The following TRIO variants were observed in gnomAD, a reference collection of about 807,000 sequenced individuals.
TRIO encodes triple functional domain protein.
TRIO carries 58 observed loss-of-function variants against 351.9 expected under a neutral mutation model. The ratio of observed to expected loss-of-function variants is 0.16; its 90% confidence interval spans 0.13 to 0.21. The LOEUF (loss-of-function observed/expected upper bound fraction) is 0.21. Among genes scored for constraint, TRIO ranks in the 10% least tolerant of loss-of-function variants. The probability of loss-of-function intolerance (pLI) is 1.00; values close to 1 mark genes in which losing one functional copy is unlikely to be tolerated. For synonymous variants in TRIO, 1,758 were observed against 1,595.7 expected, an observed-to-expected ratio of 1.10 and a Z score of -2.42; for missense variants, 3,201 against 4,027.8, an observed-to-expected ratio of 0.79 and a Z score of 5.56.
At chr5:14,319,945 G>A (rs938421157) in intron 9 of TRIO, among the ~76,000 whole-genome samples, 3 of 152,236 alleles carry the variant, frequency 2.0e-5, no homozygotes, top group South Asian at 2.1e-4. Context: ...CAGGCGTGGC[G>A]GGAAAGGTGG....
rs1177993409 is a variant in TRIO, at chr5:14,304,546, A to G, written c.1454A>G (p.His485Arg). The change falls in exon 8 of 57, where the codon CAT (histidine) becomes CGT (arginine). Residue 485 changes from histidine to arginine, a missense_variant. By Grantham distance (29) the His-to-Arg change is conservative. This residue lies in a region of TRIO where 349 missense variants were observed against 449.3 expected (regional missense o/e 0.78). Coordinates refer to ENST00000344204, the MANE Select transcript of TRIO (RefSeq NM_007118.4). ...CTGCAGGACCTAGAAGATGCCATTC[A>G]TCACCACCAGGGAATATATGAACAT... ...SELQDLEDAI[H>R]HHQGIYEHIT... 1 of 1,614,052 alleles carries G rather than the reference A, an allele frequency of 6.2e-7. No individual in the cohort carries two copies. The highest frequency in any genetic ancestry group is 8.5e-7 in the Non-Finnish European group (1 of 1,180,018).
At chr5:14,210,288 G>A (rs1330327329) in intron 1 of TRIO, among the ~76,000 whole-genome samples, 1 of 152,228 alleles carries the variant, frequency 6.6e-6, no homozygotes, top group Non-Finnish European at 1.5e-5. Flanking sequence ...TAGAAACAGA[G>A]TCTAGGGAAG....
intron 1 of TRIO, among the ~76,000 whole-genome samples, chr5:14,207,549 C>CACAT (rs1791618734): frequency 6.7e-6 from 1 of 150,350 alleles, no homozygotes; most frequent in Admixed American, 6.6e-5. Flanking sequence ...CACACACACA[C>CACAT]ACACACACGG....
chr5:14,155,462 C>CT, intron 1 of TRIO, among the ~76,000 whole-genome samples: 2 of 152,266 alleles, frequency 1.3e-5, no homozygotes, highest in East Asian at 3.9e-4. Flanking sequence ...CAGGATTGTC[C>CT]TTTTTGGCAG....
chr5:14,150,476 A>G (rs1787764438), intron 1 of TRIO, among the ~76,000 whole-genome samples: 1 of 152,180 alleles, frequency 6.6e-6, no homozygotes, highest in Non-Finnish European at 1.5e-5. Flanking sequence ...ATGTGACATT[A>G]AAAAAAGGCC....
intron 23 of TRIO, 107 bp downstream of exon 23, chr5:14,387,954 C>G: frequency 8.5e-7 from 1 of 1,172,104 alleles, no homozygotes; most frequent in Non-Finnish European, 1.2e-6. Flanking sequence ...GGCACCCAGG[C>G]TTTTTGTTGC....
chr5:14,267,335 G>A (rs562090010), intron 1 of TRIO, among the ~76,000 whole-genome samples: 22 of 152,198 alleles, frequency 1.4e-4, no homozygotes, highest in African/African-American at 4.6e-4. Context: ...ATAAGGTCTG[G>A]GATCCTATCA....
chr5:14,213,585 A>G (rs893053272), intron 1 of TRIO, among the ~76,000 whole-genome samples: 4 of 152,176 alleles, frequency 2.6e-5, no homozygotes, highest in Non-Finnish European at 4.4e-5. Flanking sequence ...GAGTGGGAAA[A>G]GTATTTCTAT....
intron 1 of TRIO, among the ~76,000 whole-genome samples, chr5:14,201,105 A>G (rs546086668): frequency 9.2e-5 from 14 of 152,142 alleles, no homozygotes; most frequent in African/African-American, 3.4e-4. Context: ...TAAAAACACA[A>G]AAATTTTAGC....
In TRIO at chr5:14,244,061, C is replaced by G. The variant is rs554866353; in HGVS notation, c.158-26764C>G. Among the ~76,000 whole-genome samples, 257 of 152,304 alleles carry G rather than the reference C, an allele frequency of 1.7e-3. 1 individual carries two copies. The highest frequency in any genetic ancestry group is 6.0e-3 in the African/African-American group (248 of 41,552). On this transcript the variant is annotated intron_variant, in intron 1 of 56. Coordinates refer to ENST00000344204, the MANE Select transcript of TRIO (RefSeq NM_007118.4). ...GGAGGCAATTTAGCATTTTACACTT[C>G]GGGTGCGTTGCTTAAAATAAGGAAA...
intron 47 of TRIO, among the ~76,000 whole-genome samples, chr5:14,486,325 G>A (rs1027184930): frequency 1.3e-5 from 2 of 152,240 alleles, no homozygotes; most frequent in African/African-American, 4.8e-5. Context: ...CACCTTGCGT[G>A]ATGTTCAAGA....
At chr5:14,271,395 A>G (rs1417038632) in intron 2 of TRIO, among the ~76,000 whole-genome samples, 1 of 152,154 alleles carries the variant, frequency 6.6e-6, no homozygotes, top group Non-Finnish European at 1.5e-5. Flanking sequence ...GTCATGGACG[A>G]TGAAGCCCTG....
intron 1 of TRIO, among the ~76,000 whole-genome samples, chr5:14,183,110 G>A (rs1789894874): frequency 6.6e-6 from 1 of 152,150 alleles, no homozygotes; most frequent in Non-Finnish European, 1.5e-5. Flanking sequence ...TTAGGGTTCA[G>A]AAGGATGCCT....
intron 18 of TRIO, among the ~76,000 whole-genome samples, chr5:14,373,523 C>G (rs1409767520): frequency 6.6e-6 from 1 of 152,080 alleles, no homozygotes; most frequent in African/African-American, 2.4e-5. Context: ...GGGTTTTTTC[C>G]TTACCTTCTT....
intron 1 of TRIO, among the ~76,000 whole-genome samples, chr5:14,155,222 G>C (rs557202008): frequency 6.6e-6 from 1 of 152,240 alleles, no homozygotes; most frequent in East Asian, 1.9e-4. Context: ...CTTCTGCTTT[G>C]TCTTCCTCTG....
At chr5:14,391,465 A>G (rs1747078902) in intron 27 of TRIO, among the ~76,000 whole-genome samples, 2 of 152,250 alleles carry the variant, frequency 1.3e-5, no homozygotes. Context: ...AGTTTTACAA[A>G]TAGTGCCATA....
chr5:14,346,770 G>A (rs1425892736), intron 11 of TRIO, among the ~76,000 whole-genome samples: 2 of 152,248 alleles, frequency 1.3e-5, no homozygotes, highest in East Asian at 3.8e-4. Context: ...GAAAGTATGG[G>A]CTATCTCTTA....
At chr5:14,216,993 C>A (rs1016506278) in intron 1 of TRIO, among the ~76,000 whole-genome samples, 1 of 152,208 alleles carries the variant, frequency 6.6e-6, no homozygotes, top group Non-Finnish European at 1.5e-5. Flanking sequence ...GGCAAGGAGG[C>A]GTGCTGGGAA....
chr5:14,284,347 T>C (rs1736263722), intron 3 of TRIO, among the ~76,000 whole-genome samples: 1 of 152,164 alleles, frequency 6.6e-6, no homozygotes. Flanking sequence ...GTTTATTAGG[T>C]GCTCATAAAT....
Sources: gnomAD v4.1 joint callset for allele counts (sites outside exome capture counted in the v4.1 genomes callset) on GRCh38, gnomAD v4.1.1 for gene constraint, gnomAD v4.1.1 regional missense constraint, MANE v1.5 for transcripts, NCBI Gene and HGNC (gene_info 2026-07-23, HGNC 2026-07-21) for gene names.